AVL9: variants seen among roughly 807,000 people sequenced by gnomAD.
AVL9 encodes the protein AVL9 cell migration associated, also known as late secretory pathway protein AVL9 homolog.
AVL9 carries 49 observed loss-of-function variants against 79.2 expected under a neutral mutation model. The observed-to-expected ratio is 0.62, with a 90% CI of 0.49 to 0.79. AVL9 has a LOEUF of 0.79. Among genes scored for constraint, AVL9 ranks in the 30% least tolerant of loss-of-function variants. The pLI, the probability that AVL9 is intolerant of heterozygous loss-of-function variation, is 0.00. For missense variants in AVL9, 682 were observed against 776.8 expected (o/e 0.88, Z 1.45); for synonymous variants, 299 against 280.6 (o/e 1.07, Z -0.65).
intron 3 of AVL9, among the ~76,000 whole-genome samples, chr7:32,547,119 G>A (rs1267712170): frequency 3.3e-5 from 5 of 152,196 alleles, no homozygotes; most frequent in Admixed American, 6.5e-5. Context: ...ATCAAGAGGT[G>A]ACACACAGAC....
At chr7:32,539,248 T>G (rs787215) in intron 1 of AVL9, 50,755 of 151,984 alleles carry the variant, frequency 0.33, 8,721 homozygotes, top group South Asian at 0.44. Flanking sequence ...AAACTCCATC[T>G]CAAAAAAAAA....
Position 32,585,568 on chromosome 7 carries a change from A to G in AVL9, c.*1661A>G, listed in dbSNP as rs1263063232. 2.0e-5 allele frequency: 3 copies of G among 152,222 alleles called. No homozygotes were observed. Among genetic ancestry groups the G allele is most frequent in the Non-Finnish European group, 4.4e-5 (3 of 68,038 alleles). 9.4% of individuals were successfully genotyped at this position (152,222 alleles called of 1,614,324 possible). A position where few individuals can be genotyped will look rare whatever the true frequency, so the allele number is the denominator to read the frequency against. ...TGATCTATCCCAGATTGCTGGGGAA[A>G]TAAAGGAGGGCCCTGATTATATTTG... On this transcript the variant is annotated 3_prime_UTR_variant, in exon 16 of 16. Coordinates refer to ENST00000318709, the MANE Select transcript of AVL9 (RefSeq NM_015060.3).
chr7:32,526,654 G>A (rs528361700), intron 1 of AVL9, among the ~76,000 whole-genome samples: 5 of 152,238 alleles, frequency 3.3e-5, no homozygotes, highest in Non-Finnish European at 7.4e-5. Flanking sequence ...TTTGGAGGGT[G>A]CATCCTGGGG....
chr7:32,514,956 G>A (rs1459824424), intron 1 of AVL9, among the ~76,000 whole-genome samples: 1 of 152,192 alleles, frequency 6.6e-6, no homozygotes, highest in Admixed American at 6.5e-5. Flanking sequence ...ATGTTTTTGT[G>A]AGCACAGGGT....
intron 3 of AVL9, among the ~76,000 whole-genome samples, chr7:32,545,282 T>C (rs959352706): frequency 6.6e-6 from 1 of 151,626 alleles, no homozygotes; most frequent in Non-Finnish European, 1.5e-5. Flanking sequence ...TTTTTTTTTT[T>C]AAGCAGCATT....
intron 1 of AVL9, among the ~76,000 whole-genome samples, chr7:32,523,246 G>A (rs1355734112): frequency 6.7e-6 from 1 of 148,848 alleles, no homozygotes; most frequent in Non-Finnish European, 1.5e-5. Flanking sequence ...TTCACCATTT[G>A]CCCCAGATTG....
Position 32,495,722 on chromosome 7 carries a change from AG to A in AVL9, c.15del (p.Arg6GlufsTer34), listed in dbSNP as rs1206292068. 7.9e-7 allele frequency: 1 copy of A among 1,260,298 alleles called. No homozygotes were observed. Among genetic ancestry groups the A allele is most frequent in the Admixed American group, 4.2e-5 (1 of 23,756 alleles). The allele number at this position is 1,260,298 out of a possible 1,614,324, so 78.1% of individuals were successfully genotyped here. Reference protein sequence around the residue: MEKARRGGDGVPRGP... With the variant: MEKAXRGGDGVPRGP... ...GCGGCGGCCGCCCATGGAGAAGGCCAGGAGAGGCGGGGATGGCGTCCCCCGG... is the reference window on the plus strand; with the variant it reads ...GCGGCGGCCGCCCATGGAGAAGGCCAGAGAGGCGGGGATGGCGTCCCCCGG... On this transcript the variant is annotated frameshift_variant, in exon 1 of 16. Coordinates refer to ENST00000318709, the MANE Select transcript of AVL9 (RefSeq NM_015060.3). LOFTEE classifies it high-confidence loss of function.
chr7:32,553,910 T>G (rs961862393), intron 7 of AVL9, 143 bp downstream of exon 7: 4 of 557,476 alleles, frequency 7.2e-6, no homozygotes, highest in African/African-American at 5.6e-5. Context: ...TCTTCTAAGA[T>G]GTACTTGGCC....
chr7:32,526,794 A>G (rs1000854413), intron 1 of AVL9, among the ~76,000 whole-genome samples: 4 of 152,092 alleles, frequency 2.6e-5, no homozygotes, highest in African/African-American at 9.7e-5. Context: ...GGTGAAAGGA[A>G]TAAAAAGGGA....
chr7:32,524,056 C>T (rs375532653), intron 1 of AVL9, among the ~76,000 whole-genome samples: 22 of 149,810 alleles, frequency 1.5e-4, no homozygotes, highest in African/African-American at 5.4e-4. Context: ...AACATGTTGG[C>T]CAGGCTGGTC....
chr7:32,503,365 T>TACACAC lies in AVL9; in HGVS notation c.93+7564_93+7565insCACACA, dbSNP rs796351504. ...ATATAGATATAGATATAGAGAGATATATATATATACACACACACACACACA... is the reference window on the plus strand; with the variant it reads ...ATATAGATATAGATATAGAGAGATATACACACATATATATACACACACACACACACA... On this transcript the variant is annotated intron_variant, in intron 1 of 15. Coordinates refer to ENST00000318709, the MANE Select transcript of AVL9 (RefSeq NM_015060.3). 3.1e-3 allele frequency among the ~76,000 whole-genome samples: 323 copies of TACACAC among 103,042 alleles called. 1 individual carries two copies. The highest frequency in any genetic ancestry group is 8.7e-3 in the East Asian group (31 of 3,576). 67.6% of individuals were successfully genotyped at this position (103,042 alleles called of 152,430 possible).
At chr7:32,520,736 A>T (rs1788105761) in intron 1 of AVL9, among the ~76,000 whole-genome samples, 1 of 152,328 alleles carries the variant, frequency 6.6e-6, no homozygotes, top group South Asian at 2.1e-4. Context: ...CCCCTCCCAC[A>T]GAATCATATG....
intron 2 of AVL9, among the ~76,000 whole-genome samples, 171 bp from the exon 3 acceptor site, chr7:32,544,523 A>T (rs1410287444): frequency 6.6e-6 from 1 of 152,224 alleles, no homozygotes; most frequent in East Asian, 1.9e-4. Context: ...TAAAGCAATG[A>T]GAAAAATTCT....
In AVL9 at chr7:32,544,859, GTGGTGCCTGTAA is replaced by G; in HGVS notation, c.300+83_300+94del. On this transcript the variant is annotated intron_variant, in intron 3 of 15. Coordinates refer to ENST00000318709, the MANE Select transcript of AVL9 (RefSeq NM_015060.3). ...ACTTAAACACAGTCTTTATTTTTCA[GTGGTGCCTGTAA>G]TGTTGTTTTAGATTTTTGTATACAA... 5 of 997,070 alleles carry G rather than the reference GTGGTGCCTGTAA, an allele frequency of 5.0e-6. No homozygotes were observed. In the East Asian group the frequency reaches 1.3e-4, roughly 25 times the overall value. 61.8% of individuals were successfully genotyped at this position (997,070 alleles called of 1,614,324 possible).
intron 15 of AVL9, among the ~76,000 whole-genome samples, 174 bp from the exon 16 acceptor site, chr7:32,583,618 G>A (rs1411793380): frequency 1.3e-5 from 2 of 152,186 alleles, no homozygotes; most frequent in African/African-American, 4.8e-5. Flanking sequence ...TGTCAAGGCT[G>A]CAGGGAGCCG....
intron 11 of AVL9, among the ~76,000 whole-genome samples, chr7:32,571,705 G>C (rs1254760442): frequency 6.7e-6 from 1 of 150,192 alleles, no homozygotes. Flanking sequence ...CAAGACAGGA[G>C]GATACAGATG....
intron 1 of AVL9, chr7:32,535,458 G>A (rs745563453): frequency 1.8e-4 from 28 of 152,170 alleles, no homozygotes; most frequent in Non-Finnish European, 2.5e-4. Flanking sequence ...CCCTTAAAAG[G>A]AAAGTAACTT....
At chr7:32,547,621 A>C (rs1295022877) in intron 3 of AVL9, among the ~76,000 whole-genome samples, 4 of 152,194 alleles carry the variant, frequency 2.6e-5, no homozygotes, top group Non-Finnish European at 5.9e-5. Context: ...TCAGGAGTAC[A>C]TTAGAGTTGC....
chr7:32,558,311 C>T (rs1790173109), intron 8 of AVL9, among the ~76,000 whole-genome samples: 1 of 151,874 alleles, frequency 6.6e-6, no homozygotes, highest in Non-Finnish European at 1.5e-5. Context: ...GCGTGTGCCA[C>T]CATGCCCGGC....
Sources: allele counts gnomAD v4.1 joint callset (sites outside exome capture counted in the v4.1 genomes callset), GRCh38; gene constraint gnomAD v4.1.1; transcripts MANE v1.5; gene names NCBI Gene and HGNC (gene_info 2026-07-23, HGNC 2026-07-21).